The following TET1 variants were observed in gnomAD, a reference collection of about 807,000 sequenced individuals.
TET1 encodes methylcytosine dioxygenase TET1.
TET1 carries 13 observed loss-of-function variants against 148.7 expected under a neutral mutation model. The ratio of observed to expected loss-of-function variants is 0.09; its 90% CI spans 0.06 to 0.14. The LOEUF is 0.14. Ranked by LOEUF, TET1 falls within the 10% of genes least tolerant of loss-of-function variation. TET1 has a pLI of 1.00. For synonymous variants in TET1, 907 were observed against 937.2 expected (o/e 0.97, Z 0.59); for missense variants, 2,182 against 2,553.8 (o/e 0.85, Z 3.14).
intron 8 of TET1, among the ~76,000 whole-genome samples, chr10:68,678,742 G>A (rs2055397607): frequency 6.6e-6 from 1 of 152,090 alleles, no homozygotes; most frequent in South Asian, 2.1e-4. Flanking sequence ...AAAAGAGTGG[G>A]AGAAGGAGTT....
intron 6 of TET1, among the ~76,000 whole-genome samples, chr10:68,654,612 G>A (rs905453235): frequency 5.3e-5 from 8 of 151,802 alleles, no homozygotes; most frequent in Admixed American, 3.3e-4. Context: ...GTGAGACTCC[G>A]TCTCAAAAAA....
At chr10:68,636,698 G>A (rs568707231) in intron 3 of TET1, among the ~76,000 whole-genome samples, 9 of 152,272 alleles carry the variant, frequency 5.9e-5, no homozygotes, top group African/African-American at 2.2e-4. Context: ...AAGAGATTCT[G>A]GAAACTTCTG....
intron 3 of TET1, among the ~76,000 whole-genome samples, chr10:68,643,261 CAAAAA>C (rs59820865): frequency 3.8e-3 from 353 of 91,824 alleles, no homozygotes; most frequent in Admixed American, 5.8e-3. Context: ...GACCCTGTCT[CAAAAA>C]AAAAAAAAAA....
chr10:68,621,116 T>C (rs1452967296), intron 3 of TET1, among the ~76,000 whole-genome samples: 1 of 152,242 alleles, frequency 6.6e-6, no homozygotes, highest in Non-Finnish European at 1.5e-5. Context: ...GTTTATCTTT[T>C]TCTTTGGGTA....
At chr10:68,651,382 C>T (rs2054932281) in intron 4 of TET1, among the ~76,000 whole-genome samples, 5 of 151,702 alleles carry the variant, frequency 3.3e-5, no homozygotes, top group Admixed American at 3.3e-4. Context: ...ACCCGGGAGG[C>T]GGAGCTTGCA....
At chr10:68,563,585 G>C (rs958743675) in intron 1 of TET1, among the ~76,000 whole-genome samples, 3 of 152,232 alleles carry the variant, frequency 2.0e-5, no homozygotes, top group Non-Finnish European at 4.4e-5. Flanking sequence ...TGTTACATCA[G>C]TTAAGCATTT....
chr10:68,591,809 G>A (rs1192465295), intron 2 of TET1, among the ~76,000 whole-genome samples: 1 of 152,112 alleles, frequency 6.6e-6, no homozygotes, highest in Non-Finnish European at 1.5e-5. Flanking sequence ...GGAGGCTGAG[G>A]CAGGAGAATG....
chr10:68,565,115 C>A (rs571390327), intron 1 of TET1, among the ~76,000 whole-genome samples: 3 of 151,906 alleles, frequency 2.0e-5, no homozygotes, highest in Admixed American at 6.6e-5. Context: ...AGAGTGTACA[C>A]GGGAGAGATT....
chr10:68,564,330 G>C (rs2053584636), intron 1 of TET1, among the ~76,000 whole-genome samples: 1 of 151,644 alleles, frequency 6.6e-6, no homozygotes. Context: ...TGTATTTTTG[G>C]TAGAGATGGG....
chr10:68,565,729 G>A (rs1372098198), intron 1 of TET1, among the ~76,000 whole-genome samples: 1 of 152,042 alleles, frequency 6.6e-6, no homozygotes, highest in Non-Finnish European at 1.5e-5. Context: ...CGTGAGTTCG[G>A]CTCTTGGGAC....
At chr10:68,562,733 TC>T (rs965869020) in intron 1 of TET1, among the ~76,000 whole-genome samples, 13 of 152,174 alleles carry the variant, frequency 8.5e-5, no homozygotes, top group African/African-American at 2.9e-4. Flanking sequence ...GGGTTGGGTC[TC>T]CACTGTCCCT....
chr10:68,661,833 A>ACACACACACACAC (rs869231469), intron 6 of TET1, among the ~76,000 whole-genome samples: 1 of 151,110 alleles, frequency 6.6e-6, no homozygotes, highest in South Asian at 2.1e-4. Flanking sequence ...ACACACACAC[A>ACACACACACACAC]AAAAACCAAG....
At chr10:68,624,969 C>T (rs1417466218) in intron 3 of TET1, among the ~76,000 whole-genome samples, 1 of 148,636 alleles carries the variant, frequency 6.7e-6, no homozygotes, top group Non-Finnish European at 1.5e-5. Context: ...CTCCTGACCT[C>T]GTGATCTGCC....
chr10:68,624,337 T>C (rs1427997306), intron 3 of TET1, among the ~76,000 whole-genome samples: 2 of 152,170 alleles, frequency 1.3e-5, no homozygotes, highest in Non-Finnish European at 2.9e-5. Context: ...TTGCCCAGGC[T>C]GGAGTGCAAT....
intron 1 of TET1, among the ~76,000 whole-genome samples, chr10:68,571,520 G>C (rs7898232): frequency 0.49 from 73,693 of 149,688 alleles, 18,796 homozygotes; most frequent in East Asian, 0.56. Flanking sequence ...ACCACCTCAG[G>C]CTCCCAAAGT....
intron 1 of TET1, among the ~76,000 whole-genome samples, chr10:68,563,073 A>T (rs1196148348): frequency 6.7e-6 from 1 of 148,432 alleles, no homozygotes; most frequent in African/African-American, 2.5e-5. Context: ...GTTGTGTGTT[A>T]TGTCTTTCTT....
intron 2 of TET1, among the ~76,000 whole-genome samples, chr10:68,593,915 ATTTTTTTTTTTTTTT>A (rs3998851): frequency 4.5e-5 from 2 of 44,750 alleles, no homozygotes; most frequent in Middle Eastern, 0.056. Flanking sequence ...CGCCTGAGCT[ATTTTTTTTTTTTTTT>A]TTTTTTTTTT....
intron 3 of TET1, among the ~76,000 whole-genome samples, chr10:68,607,610 T>C (rs2132903195): frequency 6.6e-6 from 1 of 151,678 alleles, no homozygotes. Flanking sequence ...TTTTTGTATT[T>C]TTTGTAGAGA....
At chr10:68,612,371 T>A (rs951526369) in intron 3 of TET1, among the ~76,000 whole-genome samples, 1 of 152,024 alleles carries the variant, frequency 6.6e-6, no homozygotes, top group Non-Finnish European at 1.5e-5. Flanking sequence ...ATTACCAGCA[T>A]GAGCCACCGG....
Sources: allele counts gnomAD v4.1 joint callset (sites outside exome capture counted in the v4.1 genomes callset), GRCh38; gene constraint gnomAD v4.1.1; transcripts MANE v1.5; gene names NCBI Gene and HGNC (gene_info 2026-07-23, HGNC 2026-07-21).